Variants in SMIM14 observed in about 807,000 individuals in gnomAD.
The protein encoded by SMIM14 is small integral membrane protein 14, also known as chromosome 4 open reading frame 34.
A neutral mutation model predicts 12.6 loss-of-function variants in SMIM14; 5 were observed. The ratio of observed to expected loss-of-function variants is 0.40; its 90% CI spans 0.21 to 0.83. The LOEUF (loss-of-function observed/expected upper bound fraction) is 0.83, where lower values mean the gene tolerates loss of function less well. SMIM14 is among the 40% of genes least tolerant of loss of function. The pLI, the probability that SMIM14 is intolerant of heterozygous loss-of-function variation, is 0.37. For missense variants in SMIM14, 86 were observed against 119.1 expected, an observed-to-expected ratio of 0.72 and a Z score of 1.29; for synonymous variants, 30 against 40.1, an observed-to-expected ratio of 0.75 and a Z score of 0.95.
intron 2 of SMIM14, among the ~76,000 whole-genome samples, chr4:39,602,964 C>T (rs150837446): frequency 1.5e-3 from 226 of 152,164 alleles, no homozygotes; most frequent in African/African-American, 5.3e-3. Context: ...TATTTTAAAA[C>T]AATAAAATGT....
intron 1 of SMIM14, among the ~76,000 whole-genome samples, chr4:39,626,922 T>G (rs1021861406): frequency 2.0e-5 from 3 of 152,152 alleles, no homozygotes; most frequent in Non-Finnish European, 4.4e-5. Flanking sequence ...GTGACCCTAT[T>G]TTCTCAGGTG....
chr4:39,576,666 A>ATATATATATATATATATATT (rs1713192089), intron 2 of SMIM14, among the ~76,000 whole-genome samples: 1 of 16,820 alleles, frequency 5.9e-5, no homozygotes, highest in East Asian at 2.6e-3. Context: ...ATGTGTATAT[A>ATATATATATATATATATATT]TATATATATA....
intron 1 of SMIM14, among the ~76,000 whole-genome samples, chr4:39,615,008 T>A (rs1715167565): frequency 6.6e-6 from 1 of 152,246 alleles, no homozygotes; most frequent in South Asian, 2.1e-4. Flanking sequence ...AACCAATTTA[T>A]CATTGCTGTT....
intron 1 of SMIM14, among the ~76,000 whole-genome samples, chr4:39,621,911 G>T (rs1278629518): frequency 2.0e-5 from 3 of 150,994 alleles, no homozygotes; most frequent in Non-Finnish European, 2.9e-5. Context: ...CGAACTCCCA[G>T]GCTCCAGCCA....
chr4:39,611,309 C>A (rs1265268857), intron 1 of SMIM14, among the ~76,000 whole-genome samples: 1 of 152,170 alleles, frequency 6.6e-6, no homozygotes, highest in Non-Finnish European at 1.5e-5. Context: ...AGTTCGAGAC[C>A]AGCCTGGCCA....
chr4:39,603,357 G>A (rs966402402), intron 2 of SMIM14, among the ~76,000 whole-genome samples: 9 of 152,022 alleles, frequency 5.9e-5, no homozygotes, highest in African/African-American at 2.2e-4. Context: ...AGGAGATTGA[G>A]ACCATCCTGG....
rs1367147229 is a variant in SMIM14 at position 39,546,843 on chromosome 4, T to C, written c.*5283A>G. Reference sequence around the variant, plus strand: ...CCAGAGCAGTGTTACTATTTTTACATGTATATGAGTATTCATGACCTTTAA... The same window carrying C: ...CCAGAGCAGTGTTACTATTTTTACACGTATATGAGTATTCATGACCTTTAA... On this transcript the variant is annotated 3_prime_UTR_variant, in exon 5 of 5. Transcript: ENST00000295958. 1 of 152,260 alleles carries C rather than the reference T, an allele frequency of 6.6e-6. No individual in the cohort carries two copies. The highest frequency in any genetic ancestry group is 1.5e-5 in the Non-Finnish European group (1 of 68,044). The allele number at this position is 152,260 out of a possible 1,614,324, so 9.4% of individuals were successfully genotyped here.
chr4:39,571,008 A>G (rs1290173577), intron 3 of SMIM14, among the ~76,000 whole-genome samples: 2 of 152,120 alleles, frequency 1.3e-5, no homozygotes, highest in East Asian at 3.8e-4. Flanking sequence ...ATACTATTTT[A>G]CTAGTTCCCC....
chr4:39,567,597 T>C (rs1304022009), intron 3 of SMIM14, among the ~76,000 whole-genome samples: 3 of 151,270 alleles, frequency 2.0e-5, no homozygotes, highest in African/African-American at 7.3e-5. Context: ...ATTAGCCGGG[T>C]GTGGTGGCAG....
intron 2 of SMIM14, among the ~76,000 whole-genome samples, chr4:39,576,674 ATATATATATATTTTTTTTTTTTTTTTTTT>A (rs1713196896): frequency 3.5e-5 from 1 of 28,216 alleles, no homozygotes; most frequent in African/African-American, 1.1e-4. Context: ...ATATATATAT[ATATATATATATTTTTTTTTTTTTTTTTTT>A]TTTTTTTTTT....
At chr4:39,606,825 A>G (rs1166485355) in intron 1 of SMIM14, among the ~76,000 whole-genome samples, 1 of 152,178 alleles carries the variant, frequency 6.6e-6, no homozygotes, top group Non-Finnish European at 1.5e-5. Context: ...GTTGGGGAGA[A>G]GAAACTAGAA....
intron 1 of SMIM14, among the ~76,000 whole-genome samples, chr4:39,622,715 T>C (rs1025107031): frequency 1.8e-4 from 28 of 152,316 alleles, no homozygotes; most frequent in African/African-American, 6.0e-4. Flanking sequence ...ATGTTCGTTT[T>C]TAAAGGCATA....
At chr4:39,552,558 T>C (rs1232922506) in intron 4 of SMIM14, among the ~76,000 whole-genome samples, 2 of 152,212 alleles carry the variant, frequency 1.3e-5, no homozygotes, top group Non-Finnish European at 2.9e-5. Context: ...ATATTTAAAA[T>C]GAAGCTAGGG....
intron 1 of SMIM14, among the ~76,000 whole-genome samples, chr4:39,620,428 G>A (rs568375512): frequency 4.6e-5 from 7 of 152,122 alleles, no homozygotes; most frequent in Non-Finnish European, 7.4e-5. Flanking sequence ...GCAGTGAGCC[G>A]GAGATCGCGC....
intron 1 of SMIM14, among the ~76,000 whole-genome samples, chr4:39,614,185 CA>C (rs60332502): frequency 0.51 from 51,123 of 101,074 alleles, 10,165 homozygotes; most frequent in East Asian, 0.69. Flanking sequence ...AACTCCATTA[CA>C]AAAAAAAAAA....
At chr4:39,612,886 C>T (rs1715089259) in intron 1 of SMIM14, among the ~76,000 whole-genome samples, 1 of 152,180 alleles carries the variant, frequency 6.6e-6, no homozygotes, top group Non-Finnish European at 1.5e-5. Context: ...TGGCATGAAC[C>T]AACAAGCATG....
chr4:39,600,786 G>A (rs1011124011), intron 2 of SMIM14, among the ~76,000 whole-genome samples: 11 of 152,198 alleles, frequency 7.2e-5, no homozygotes, highest in Admixed American at 7.2e-4. Flanking sequence ...CAGGAGAATC[G>A]CTTGAACCCG....
At chr4:39,590,801 CAAA>C (rs199795378) in intron 2 of SMIM14, among the ~76,000 whole-genome samples, 8 of 111,996 alleles carry the variant, frequency 7.1e-5, no homozygotes, top group Admixed American at 8.6e-5. Context: ...CACTCTGTCT[CAAA>C]AAAAAAAAAA....
At chr4:39,602,332 C>T (rs903845029) in intron 2 of SMIM14, among the ~76,000 whole-genome samples, 2 of 150,392 alleles carry the variant, frequency 1.3e-5, no homozygotes, top group East Asian at 2.0e-4. Flanking sequence ...CAGTGGCTCA[C>T]GCCTGTAATC....
Sources: gnomAD v4.1 joint callset for allele counts (sites outside exome capture counted in the v4.1 genomes callset) on GRCh38, gnomAD v4.1.1 for gene constraint, MANE v1.5 for transcripts, NCBI Gene and HGNC (gene_info 2026-07-23, HGNC 2026-07-21) for gene names.